The following MAD1L1 variants were observed in gnomAD, a reference collection of about 807,000 sequenced individuals.
MAD1L1 encodes the protein mitotic spindle assembly checkpoint protein MAD1.
Under a neutral mutation model 96.9 loss-of-function variants are expected in MAD1L1, and 95 were observed. The observed-to-expected ratio is 0.98, with a 90% CI of 0.83 to 1.16. The LOEUF (loss-of-function observed/expected upper bound fraction) is 1.16. MAD1L1 is among the 50% of genes most tolerant of loss of function. MAD1L1 has a pLI of 0.00. For missense variants in MAD1L1, 1,007 were observed against 954.4 expected (o/e 1.06, Z -0.73); for synonymous variants, 473 against 396.6 (o/e 1.19, Z -2.29).
intron 16 of MAD1L1, among the ~76,000 whole-genome samples, chr7:1,941,996 C>G (rs983079921): frequency 6.6e-6 from 1 of 152,186 alleles, no homozygotes; most frequent in African/African-American, 2.4e-5. Context: ...ACGGGAGGGG[C>G]AGACTGGGCA....
At chr7:1,888,701 G>A (rs575375056) in intron 18 of MAD1L1, among the ~76,000 whole-genome samples, 36 of 152,172 alleles carry the variant, frequency 2.4e-4, no homozygotes, top group Admixed American at 1.4e-3. Context: ...CGTGTGTGTC[G>A]TGTGTGGCTG....
At chr7:1,939,511 GCA>G (rs1280811779) in intron 16 of MAD1L1, among the ~76,000 whole-genome samples, 5 of 149,440 alleles carry the variant, frequency 3.3e-5, no homozygotes, top group Non-Finnish European at 7.4e-5. Flanking sequence ...GTCATGTCAG[GCA>G]CAGACATGAC....
At chr7:2,098,111 G>A (rs73034446) in intron 11 of MAD1L1, among the ~76,000 whole-genome samples, 4,119 of 152,312 alleles carry the variant, frequency 0.027, 96 homozygotes, top group South Asian at 0.089. Context: ...GGACAGATCA[G>A]TGAGGACGCC....
rs145034373 is a variant in MAD1L1, at chr7:1,922,465, A to T, written c.1807+14222T>A. Among the ~76,000 whole-genome samples, 123 of 152,368 alleles carry T rather than the reference A, an allele frequency of 8.1e-4. 1 individual carries two copies. Among genetic ancestry groups the T allele is most frequent in the Admixed American group, 1.8e-3 (28 of 15,312 alleles). ...TACAGAACTACACAGACACACGGAC[A>T]TATTTCTCATAAAGTGAGCTCAGCA... On this transcript the variant is annotated intron_variant, in intron 17 of 18. Coordinates refer to ENST00000265854, the MANE Select transcript of MAD1L1 (RefSeq NM_001013836.2).
intron 12 of MAD1L1, among the ~76,000 whole-genome samples, chr7:2,031,735 G>A (rs554965365): frequency 6.6e-6 from 1 of 152,260 alleles, no homozygotes; most frequent in Admixed American, 6.5e-5. Flanking sequence ...GCAAGGTCTC[G>A]CCAGCATGCC....
chr7:2,009,952 C>G (rs905907561), intron 13 of MAD1L1, among the ~76,000 whole-genome samples: 1 of 152,132 alleles, frequency 6.6e-6, no homozygotes, highest in Non-Finnish European at 1.5e-5. Flanking sequence ...GGAGCCAGCA[C>G]CTCGCGATTC....
intron 17 of MAD1L1, among the ~76,000 whole-genome samples, chr7:1,899,491 T>C (rs1013844425): frequency 1.3e-5 from 2 of 152,176 alleles, no homozygotes; most frequent in African/African-American, 4.8e-5. Context: ...ACAGGACTGC[T>C]GTAGGCGCCC....
chr7:2,004,392 G>A (rs757768360), intron 13 of MAD1L1, among the ~76,000 whole-genome samples: 63 of 152,366 alleles, frequency 4.1e-4, no homozygotes, highest in Admixed American at 2.2e-3. Flanking sequence ...GATGGGCACC[G>A]GCCTCAGGTG....
At chr7:2,049,060 T>A (rs892273378) in intron 12 of MAD1L1, among the ~76,000 whole-genome samples, 2 of 152,272 alleles carry the variant, frequency 1.3e-5, no homozygotes, top group African/African-American at 4.8e-5. Flanking sequence ...ACCTCACACA[T>A]ATATTTGAAC....
intron 15 of MAD1L1, among the ~76,000 whole-genome samples, chr7:1,971,561 C>T (rs1051610461): frequency 1.2e-4 from 18 of 152,128 alleles, no homozygotes; most frequent in African/African-American, 3.4e-4. Context: ...ATTATATAAA[C>T]GGAAAAATCA....
intron 17 of MAD1L1, among the ~76,000 whole-genome samples, chr7:1,915,406 C>T (rs901034437): frequency 4.6e-5 from 7 of 152,150 alleles, no homozygotes; most frequent in African/African-American, 1.2e-4. Context: ...GGAAAAGCCA[C>T]GCGCTTCCCG....
chr7:2,140,402 G>A (rs1436351272), intron 11 of MAD1L1, among the ~76,000 whole-genome samples: 1 of 152,224 alleles, frequency 6.6e-6, no homozygotes, highest in Non-Finnish European at 1.5e-5. Context: ...ATCGGAGAGT[G>A]CACCAGGGCC....
In MAD1L1 at chr7:2,191,807, C is replaced by T. The variant is rs569309777; in HGVS notation, c.986+21405G>A. Among the ~76,000 whole-genome samples the T allele has an allele frequency of 3.6e-3, 552 of 151,724 alleles. 3 individuals carry two copies. Among genetic ancestry groups the T allele is most frequent in the Non-Finnish European group, 6.5e-3 (443 of 67,940 alleles). Reference sequence around the variant, plus strand: ...CAGCACTTTGGGAGACCAAGACAGGCGGATCATGAGGTCAGGAGTTCGAGA... The same window carrying T: ...CAGCACTTTGGGAGACCAAGACAGGTGGATCATGAGGTCAGGAGTTCGAGA... On this transcript the variant is annotated intron_variant, in intron 10 of 18. Coordinates refer to ENST00000265854, the MANE Select transcript of MAD1L1 (RefSeq NM_001013836.2).
chr7:2,099,978 G>C (rs557984586), intron 11 of MAD1L1, among the ~76,000 whole-genome samples: 40 of 152,322 alleles, frequency 2.6e-4, no homozygotes, highest in African/African-American at 9.1e-4. Context: ...TCAAGCCAAG[G>C]GGCTGGCTGT....
Position 2,016,664 on chromosome 7 carries a change from G to A in MAD1L1, c.1219-2022C>T, listed in dbSNP as rs866132694. 1.6e-4 allele frequency among the ~76,000 whole-genome samples: 17 copies of A among 104,510 alleles called. 1 individual carries two copies. The Middle Eastern group carries it at 0.017, about 104-fold the overall frequency. 68.6% of individuals were successfully genotyped at this position (104,510 alleles called of 152,430 possible). On this transcript the variant is annotated intron_variant, in intron 12 of 18. Transcript: ENST00000265854. Reference sequence around the variant, plus strand: ...CTCAGAAGACCCTGGAGCTCAGGCCGCCACGTCTGGGGCTCTCCTGCCGTC... The same window carrying A: ...CTCAGAAGACCCTGGAGCTCAGGCCACCACGTCTGGGGCTCTCCTGCCGTC...
intron 15 of MAD1L1, among the ~76,000 whole-genome samples, chr7:1,958,143 AC>A (rs2128474265): frequency 1.3e-5 from 2 of 152,342 alleles, no homozygotes; most frequent in East Asian, 3.9e-4. Flanking sequence ...TGAGGAAAAG[AC>A]AGGAAAGGAC....
chr7:1,874,233 T>C (rs13224015), intron 18 of MAD1L1, among the ~76,000 whole-genome samples: 106,168 of 152,032 alleles, frequency 0.7, 37,725 homozygotes, highest in African/African-American at 0.83. Flanking sequence ...ACCCGGGGTC[T>C]CCCACCAGCG....
At chr7:1,902,789 C>A (rs531092782) in intron 17 of MAD1L1, among the ~76,000 whole-genome samples, 60 of 152,250 alleles carry the variant, frequency 3.9e-4, no homozygotes, top group African/African-American at 1.2e-3. Flanking sequence ...GACGATCTTG[C>A]GGAACTCATG....
Position 2,103,580 on chromosome 7 carries a change from C to T in MAD1L1, c.1074-34242G>A, listed in dbSNP as rs962833378. Among the ~76,000 whole-genome samples, 2 of 152,178 alleles carry T rather than the reference C, an allele frequency of 1.3e-5. No homozygotes were observed. The highest frequency in any genetic ancestry group is 2.4e-5 in the African/African-American group (1 of 41,456). On this transcript the variant is annotated intron_variant, in intron 11 of 18. Transcript: ENST00000265854. The surrounding 1 kb of genome is among the most constrained non-coding windows in gnomAD (Gnocchi z 4.3). ...GCCAGCACTGGGGCAAAGCCCACCA[C>T]CAGGCAGCCCTGGGAGCCCCTGCGA...
Sources: allele counts gnomAD v4.1 joint callset (sites outside exome capture counted in the v4.1 genomes callset), GRCh38; gene constraint gnomAD v4.1.1; non-coding constraint Gnocchi (gnomAD v3.1); transcripts MANE v1.5; gene names NCBI Gene and HGNC (gene_info 2026-07-23, HGNC 2026-07-21).